CTDSPL: variants seen among roughly 807,000 people sequenced by gnomAD.
CTDSPL encodes CTD small phosphatase-like protein.
CTDSPL carries 8 observed loss-of-function variants against 30.5 expected under a neutral mutation model. That is an observed-to-expected ratio of 0.26 (90% CI 0.15 to 0.47). The LOEUF is 0.47. Among genes scored for constraint, CTDSPL ranks in the 20% least tolerant of loss-of-function variants. The pLI is 0.99. For synonymous variants in CTDSPL, 110 were observed against 137.9 expected (o/e 0.80, Z 1.42); for missense variants, 248 against 366.1 (o/e 0.68, Z 2.63).
At chr3:37,881,772 GAAAA>G (rs369088493) in intron 1 of CTDSPL, among the ~76,000 whole-genome samples, 1 of 147,958 alleles carries the variant, frequency 6.8e-6, no homozygotes, top group Non-Finnish European at 1.5e-5. Flanking sequence ...TTGAAAAACT[GAAAA>G]AAAAAATGTT....
At chr3:37,957,476 TCAACTCC>T (rs1391797007) in intron 3 of CTDSPL, among the ~76,000 whole-genome samples, 1 of 152,136 alleles carries the variant, frequency 6.6e-6, no homozygotes, top group Non-Finnish European at 1.5e-5. Flanking sequence ...TATCTTAGCC[TCAACTCC>T]ATAGATTGGC....
intron 3 of CTDSPL, among the ~76,000 whole-genome samples, chr3:37,960,480 CAAAAAAAA>C (rs1208033395): frequency 0.043 from 204 of 4,714 alleles, 3 homozygotes; most frequent in African/African-American, 0.064. Context: ...AACTCTGTCT[CAAAAAAAA>C]AAAAAAAAAA....
At chr3:37,957,774 G>A (rs779105104) in intron 3 of CTDSPL, among the ~76,000 whole-genome samples, 8 of 152,062 alleles carry the variant, frequency 5.3e-5, no homozygotes, top group South Asian at 2.1e-4. Context: ...CCCCAGCACC[G>A]TCCTGCACCA....
chr3:37,949,067 G>A (rs1292244745), intron 2 of CTDSPL, among the ~76,000 whole-genome samples: 5 of 151,844 alleles, frequency 3.3e-5, no homozygotes, highest in Admixed American at 6.5e-5. Flanking sequence ...TGATCCACCC[G>A]CCTCAGCCTC....
At chr3:37,926,532 A>G (rs760815075) in intron 1 of CTDSPL, among the ~76,000 whole-genome samples, 10 of 152,164 alleles carry the variant, frequency 6.6e-5, no homozygotes, top group Non-Finnish European at 1.3e-4. Context: ...TCAGTTGTGA[A>G]CCAGTTTTTG....
chr3:37,975,839 A>G lies in CTDSPL; in HGVS notation c.650A>G (p.Lys217Arg), dbSNP rs997352531. The part of the protein sequence containing the change: ...DLSRLGRELS[K>R]VIIVDNSPAS... The stretch of plus-strand genomic sequence containing the variant: ...AGTCGCCTTGGGCGGGAGCTGAGCA[A>G]AGTGATCATTGTTGACAATTCCCCT... Residue 217 changes from lysine (K) to arginine (R), a missense_variant, in exon 7 of 8, where the codon AAA becomes AGA. Physicochemically the swap from Lys to Arg is conservative, Grantham distance 26. Transcript: ENST00000273179. The surrounding 1 kb of genome is among the most constrained non-coding windows in gnomAD (Gnocchi z 4.9). 2 of 1,614,184 alleles carry G rather than the reference A, an allele frequency of 1.2e-6. No individual in the cohort carries two copies. The highest frequency in any genetic ancestry group is 2.7e-5 in the African/African-American group (2 of 75,036).
chr3:37,903,554 C>A (rs1038839275), intron 1 of CTDSPL, among the ~76,000 whole-genome samples: 9 of 152,236 alleles, frequency 5.9e-5, no homozygotes, highest in South Asian at 2.1e-4. Context: ...TCAGTAGTGG[C>A]TTTAGGTTAT....
At chr3:37,902,555 T>C (rs1037776013) in intron 1 of CTDSPL, among the ~76,000 whole-genome samples, 2 of 152,104 alleles carry the variant, frequency 1.3e-5, no homozygotes, top group African/African-American at 2.4e-5. Context: ...CATCCATGGC[T>C]CCCCTCCCTA....
chr3:37,907,948 A>G (rs1698536890), intron 1 of CTDSPL, among the ~76,000 whole-genome samples: 1 of 152,174 alleles, frequency 6.6e-6, no homozygotes, highest in African/African-American at 2.4e-5. Flanking sequence ...ACACATGGTA[A>G]ATGCGACCCT....
Position 37,982,984 on chromosome 3 carries a change from A to C in CTDSPL, c.*2117A>C. On this transcript the variant is annotated 3_prime_UTR_variant, in exon 8 of 8. Coordinates refer to ENST00000273179, the MANE Select transcript of CTDSPL (RefSeq NM_001008392.2). Reference sequence around the variant, plus strand: ...GCGGGCAAAGAGGATGGAAATCATAAAATATTTCATGGGAATCGAACCTAG... The same window carrying C: ...GCGGGCAAAGAGGATGGAAATCATACAATATTTCATGGGAATCGAACCTAG... 1 of 213,978 alleles carries C rather than the reference A, an allele frequency of 4.7e-6. No individual in the cohort carries two copies. Among genetic ancestry groups the C allele is most frequent in the Non-Finnish European group, 9.7e-6 (1 of 102,764 alleles). The allele number at this position is 213,978 out of a possible 1,614,324, so 13.3% of individuals were successfully genotyped here. A position where few individuals can be genotyped will look rare whatever the true frequency, so the allele number is the denominator to read the frequency against.
chr3:37,980,019 G>A (rs1388605397), intron 7 of CTDSPL, among the ~76,000 whole-genome samples: 9 of 152,066 alleles, frequency 5.9e-5, no homozygotes, highest in African/African-American at 2.2e-4. Flanking sequence ...TCAAAGTTAC[G>A]TAATAAATGT....
chr3:37,964,971 G>T (rs761152009), intron 4 of CTDSPL, among the ~76,000 whole-genome samples: 321 of 152,266 alleles, frequency 2.1e-3, no homozygotes, highest in Non-Finnish European at 2.4e-3. Flanking sequence ...GTGGCACAAG[G>T]CACTCAGTGC....
At chr3:37,928,520 T>G (rs1393708088) in intron 1 of CTDSPL, among the ~76,000 whole-genome samples, 1 of 152,248 alleles carries the variant, frequency 6.6e-6, no homozygotes, top group Non-Finnish European at 1.5e-5. Context: ...GTTGACCACT[T>G]GTATGTCTTT....
At chr3:37,909,209 T>G (rs192546569) in intron 1 of CTDSPL, among the ~76,000 whole-genome samples, 202 of 152,288 alleles carry the variant, frequency 1.3e-3, no homozygotes, top group Non-Finnish European at 2.2e-3. Context: ...CAAAGCCAGG[T>G]TCCAGTCCCT....
intron 1 of CTDSPL, among the ~76,000 whole-genome samples, chr3:37,927,370 T>G (rs1698792145): frequency 6.6e-6 from 1 of 152,072 alleles, no homozygotes; most frequent in African/African-American, 2.4e-5. Context: ...ATAAATGAAT[T>G]TTATGTTTAG....
intron 1 of CTDSPL, among the ~76,000 whole-genome samples, chr3:37,937,499 A>G (rs965160604): frequency 5.3e-5 from 8 of 150,626 alleles, no homozygotes; most frequent in South Asian, 2.1e-4. Context: ...GCTTTCCACC[A>G]TAAGTTGAAG....
At chr3:37,885,266 A>G (rs573825408) in intron 1 of CTDSPL, among the ~76,000 whole-genome samples, 3 of 152,314 alleles carry the variant, frequency 2.0e-5, no homozygotes, top group Admixed American at 1.3e-4. Context: ...AGAGTTTGAC[A>G]TTTTATAGGA....
At chr3:37,902,773 T>C (rs1479709565) in intron 1 of CTDSPL, among the ~76,000 whole-genome samples, 1 of 152,156 alleles carries the variant, frequency 6.6e-6, no homozygotes, top group Non-Finnish European at 1.5e-5. Context: ...TACACCAGCC[T>C]GCCCCAGGGG....
intron 1 of CTDSPL, among the ~76,000 whole-genome samples, chr3:37,922,588 A>G (rs1287572971): frequency 6.6e-6 from 1 of 152,224 alleles, no homozygotes; most frequent in Non-Finnish European, 1.5e-5. Flanking sequence ...GCTTCCTTAC[A>G]TTAGATGCCA....
Sources: gnomAD v4.1 joint callset for allele counts (sites outside exome capture counted in the v4.1 genomes callset) on GRCh38, gnomAD v4.1.1 for gene constraint, Gnocchi (gnomAD v3.1) non-coding constraint, MANE v1.5 for transcripts, NCBI Gene and HGNC (gene_info 2026-07-23, HGNC 2026-07-21) for gene names.